CPED1: variants seen among roughly 807,000 people sequenced by gnomAD.
The protein encoded by CPED1 is cadherin like and PC-esterase domain containing 1.
Under a neutral mutation model 128.2 loss-of-function variants are expected in CPED1, and 114 were observed. The ratio of observed to expected loss-of-function variants is 0.89; its 90% CI spans 0.76 to 1.04. The LOEUF is 1.04. Among genes scored for constraint, CPED1 ranks in the 50% least tolerant of loss-of-function variants. The probability of loss-of-function intolerance (pLI) is 0.00; values close to 1 mark genes in which losing one functional copy is unlikely to be tolerated. For synonymous variants in CPED1, 462 were observed against 426.7 expected, an observed-to-expected ratio of 1.08 and a Z score of -1.02; for missense variants, 1,211 against 1,207.1, an observed-to-expected ratio of 1.00 and a Z score of -0.05.
rs1795442164 is a variant in CPED1 at position 121,123,816 on chromosome 7, A to C, written c.919-515A>C. 2.0e-5 allele frequency among the ~76,000 whole-genome samples: 3 copies of C among 152,234 alleles called. No individual in the cohort carries two copies. In the South Asian group the frequency reaches 6.2e-4, roughly 32 times the overall value. On this transcript the variant is annotated intron_variant, in intron 7 of 22. Transcript: ENST00000310396. Reference sequence around the variant, plus strand: ...AGAATAATGGCATGAGGAAGAAGCAACTTTGATATATTTATTTTTGTTCTA... The same window carrying C: ...AGAATAATGGCATGAGGAAGAAGCACCTTTGATATATTTATTTTTGTTCTA...
chr7:121,130,624 G>T (rs1795638608), intron 12 of CPED1, among the ~76,000 whole-genome samples: 1 of 152,052 alleles, frequency 6.6e-6, no homozygotes, highest in Non-Finnish European at 1.5e-5. Flanking sequence ...AATTAGATGA[G>T]ATGTGTTTTA....
chr7:121,244,288 T>C lies in CPED1; in HGVS notation c.2260T>C (p.Tyr754His), dbSNP rs768746041. Residue 754 changes from tyrosine (Y) to histidine (H), a missense_variant, in exon 18 of 23, where the codon TAT becomes CAT. Physicochemically the swap from Tyr to His is moderately conservative, Grantham distance 83. Transcript: ENST00000310396. ...EITWQPHNCQ[Y>H]GVLTKPQLQQ... Reference sequence around the variant, plus strand: ...AACCTGGCAGCCCCACAACTGCCAATATGGTGTCCTAACTAAGCCTCAACT... The same window carrying C: ...AACCTGGCAGCCCCACAACTGCCAACATGGTGTCCTAACTAAGCCTCAACT... 4 of 1,613,984 alleles carry C rather than the reference T, an allele frequency of 2.5e-6. No homozygotes were observed. The highest frequency in any genetic ancestry group is 3.4e-6 in the Non-Finnish European group (4 of 1,179,942).
chr7:121,009,143 A>C (rs1200211107), intron 2 of CPED1, among the ~76,000 whole-genome samples: 1 of 152,016 alleles, frequency 6.6e-6, no homozygotes, highest in African/African-American at 2.4e-5. Context: ...TTAAAGGCAG[A>C]GGATTTACTG....
In CPED1 at chr7:121,047,056, C is replaced by A. The variant is rs1044584302; in HGVS notation, c.540+63C>A. 7.8e-6 allele frequency: 8 copies of A among 1,019,878 alleles called. No individual in the cohort carries two copies. In the African/African-American group the frequency reaches 9.6e-5, roughly 12 times the overall value. 63.2% of individuals were successfully genotyped at this position (1,019,878 alleles called of 1,614,324 possible). ...CTACAGATATTAACACTGGCATTTC[C>A]TGGTCTATAATGTTTAAGAGTCTTA... On this transcript the variant is annotated intron_variant, in intron 4 of 22. Coordinates refer to ENST00000310396, the MANE Select transcript of CPED1 (RefSeq NM_024913.5).
chr7:121,184,815 TTGAG>T (rs1314245345), intron 16 of CPED1, among the ~76,000 whole-genome samples: 1 of 152,090 alleles, frequency 6.6e-6, no homozygotes, highest in Admixed American at 6.6e-5. Context: ...TTTAAAACAA[TTGAG>T]TGTCTTTAAC....
At chr7:121,129,294 TATATATATATATATATAC>T (rs1295587428) in intron 11 of CPED1, among the ~76,000 whole-genome samples, 1 of 2,152 alleles carries the variant, frequency 4.6e-4, no homozygotes, top group Non-Finnish European at 4.1e-3. Flanking sequence ...TATGTATATA[TATATATATATATATATAC>T]GTATATATAT....
intron 16 of CPED1, among the ~76,000 whole-genome samples, chr7:121,150,232 T>C (rs1796126013): frequency 6.6e-6 from 1 of 150,766 alleles, no homozygotes; most frequent in Admixed American, 6.7e-5. Flanking sequence ...TAGTATTGTC[T>C]ATCATTGCCA....
Position 121,093,936 on chromosome 7 carries a change from G to C in CPED1, c.617-3763G>C, listed in dbSNP as rs1794635740. ...TGGTAGTCTGTTCAGTTACTCCTTT[G>C]ACTCTGCTGTCTTCTGGGGCCCTGA... On this transcript the variant is annotated intron_variant, in intron 5 of 22. Coordinates refer to ENST00000310396, the MANE Select transcript of CPED1 (RefSeq NM_024913.5). Among the ~76,000 whole-genome samples the C allele has an allele frequency of 2.6e-5, 4 of 152,084 alleles. No homozygotes were observed. In the South Asian group the frequency reaches 8.3e-4, roughly 32 times the overall value.
At chr7:121,126,892 C>T (rs1026196961) in intron 9 of CPED1, among the ~76,000 whole-genome samples, 198 bp from the exon 10 acceptor site, 2 of 151,914 alleles carry the variant, frequency 1.3e-5, no homozygotes, top group Admixed American at 1.3e-4. Flanking sequence ...TTATACTGTA[C>T]ATTAAATAAT....
At chr7:121,089,845 A>C (rs935444239) in intron 5 of CPED1, among the ~76,000 whole-genome samples, 1 of 152,190 alleles carries the variant, frequency 6.6e-6, no homozygotes, top group Admixed American at 6.5e-5. Context: ...GTCTTGTTGC[A>C]GTAGTCAAGC....
intron 4 of CPED1, among the ~76,000 whole-genome samples, chr7:121,057,443 C>T (rs2116018178): frequency 6.6e-6 from 1 of 152,336 alleles, no homozygotes; most frequent in South Asian, 2.1e-4. Context: ...CACTTCTCCT[C>T]TGCAAGTCCC....
At chr7:121,077,477 A>G (rs1258712019) in intron 5 of CPED1, among the ~76,000 whole-genome samples, 3 of 152,102 alleles carry the variant, frequency 2.0e-5, no homozygotes, top group Non-Finnish European at 4.4e-5. Context: ...TTTCCCATTC[A>G]TGTGCAATTT....
At position 121,187,348 on chromosome 7, in the gene CPED1, C is replaced by T. The variant is rs565869823; in HGVS notation, c.2055+45207C>T. 6.0e-4 allele frequency among the ~76,000 whole-genome samples: 92 copies of T among 152,252 alleles called. 1 individual carries two copies. The highest frequency in any genetic ancestry group is 2.1e-3 in the African/African-American group (87 of 41,568). ...GTAAGAAAATCCCAAGTATAGAAAA[C>T]TGCTGTTTCAAAGGTTTGTGGCAAG... On this transcript the variant is annotated intron_variant, in intron 16 of 22. Coordinates refer to ENST00000310396, the MANE Select transcript of CPED1 (RefSeq NM_024913.5).
intron 3 of CPED1, among the ~76,000 whole-genome samples, chr7:121,034,589 T>G (rs184151106): frequency 1.9e-4 from 29 of 152,238 alleles, no homozygotes; most frequent in Non-Finnish European, 3.8e-4. Context: ...TCAAGTCTTA[T>G]TCAACACACT....
chr7:121,174,580 A>G (rs1387308197), intron 16 of CPED1, among the ~76,000 whole-genome samples: 1 of 151,320 alleles, frequency 6.6e-6, no homozygotes, highest in African/African-American at 2.4e-5. Context: ...CCTTTGGTCT[A>G]TGTGTCTGTC....
intron 22 of CPED1, among the ~76,000 whole-genome samples, chr7:121,274,082 G>A (rs552566806): frequency 3.3e-5 from 5 of 152,158 alleles, no homozygotes; most frequent in Admixed American, 3.3e-4. Flanking sequence ...TTGCAGAAAG[G>A]TGTCTACTTT....
At chr7:121,227,344 C>T (rs1267133429) in intron 16 of CPED1, among the ~76,000 whole-genome samples, 2 of 152,046 alleles carry the variant, frequency 1.3e-5, no homozygotes, top group African/African-American at 4.8e-5. Context: ...ATGCTGAGGA[C>T]TCTGACAAGT....
intron 3 of CPED1, among the ~76,000 whole-genome samples, chr7:121,043,989 C>G (rs1478652262): frequency 6.6e-6 from 1 of 152,114 alleles, no homozygotes; most frequent in African/African-American, 2.4e-5. Flanking sequence ...CTCCAAAGCC[C>G]CGCAATATAT....
intron 18 of CPED1, among the ~76,000 whole-genome samples, chr7:121,257,824 A>T (rs971195989): frequency 6.6e-6 from 1 of 152,084 alleles, no homozygotes; most frequent in Admixed American, 6.6e-5. Context: ...TCCAAAGACA[A>T]ATAAATGTTA....
Sources: allele counts gnomAD v4.1 joint callset (sites outside exome capture counted in the v4.1 genomes callset), GRCh38; gene constraint gnomAD v4.1.1; transcripts MANE v1.5; gene names NCBI Gene and HGNC (gene_info 2026-07-23, HGNC 2026-07-21).